Variants in UBA6 observed in about 807,000 individuals in gnomAD.
The protein encoded by UBA6 is ubiquitin like modifier activating enzyme 6.
A neutral mutation model predicts 148.3 loss-of-function variants in UBA6; 87 were observed. That is an observed-to-expected ratio of 0.59 (90% confidence interval 0.49 to 0.70). UBA6 has a LOEUF of 0.70. Ranked by LOEUF, UBA6 falls within the 30% of genes least tolerant of loss-of-function variation. The probability of loss-of-function intolerance (pLI) is 0.00; values close to 1 mark genes in which losing one functional copy is unlikely to be tolerated. For synonymous variants in UBA6, 376 were observed against 401.0 expected, an observed-to-expected ratio of 0.94 and a Z score of 0.75; for missense variants, 1,186 against 1,241.2, an observed-to-expected ratio of 0.96 and a Z score of 0.67.
chr4:67,673,712 C>T lies in UBA6; in HGVS notation c.531G>A (p.Gln177=). Residue 177 remains glutamine (Q), a synonymous_variant, in exon 7 of 33, where the codon CAG becomes CAA. Transcript: ENST00000322244. Reference sequence around the variant, plus strand: ...ATACAATTACCTTAATTGGAGGGCACTGAGAACGGCAAAAGTCATTGATCT... The same window carrying T: ...ATACAATTACCTTAATTGGAGGGCATTGAGAACGGCAAAAGTCATTGATCT... The part of the protein sequence containing the change: ...QKKINDFCRS[Q]CPPIKFISAD... 1 of 1,610,572 alleles carries T rather than the reference C, an allele frequency of 6.2e-7. No homozygotes were observed. Among genetic ancestry groups the T allele is most frequent in the Non-Finnish European group, 8.5e-7 (1 of 1,177,530 alleles).
chr4:67,637,347 G>A lies in UBA6; in HGVS notation c.1736+1596C>T, dbSNP rs540434526. Among the ~76,000 whole-genome samples, 589 of 147,830 alleles carry A rather than the reference G, an allele frequency of 4.0e-3. 3 individuals carry two copies. Among genetic ancestry groups the A allele is most frequent in the African/African-American group, 0.013 (536 of 40,090 alleles). On this transcript the variant is annotated intron_variant, in intron 19 of 32. Coordinates refer to ENST00000322244, the MANE Select transcript of UBA6 (RefSeq NM_018227.6). ...CAGCCCCCACCTGGCCAGCTGCCCC[G>A]TCCGGGAGGTGGGGGCGCCTCTGCC...
In UBA6 at chr4:67,625,015, G is replaced by A. The variant is rs200326580; in HGVS notation, c.2691C>T (p.Thr897=). ...AGKIIPAIAT[T]TATVSGLVAL... is the part of the protein sequence containing the mutation. ...TTACCAAGCCAGAAACTGTAGCAGTGGTTGTTGCTATAGCAGGTATAATTT... is the reference window on the plus strand; with the variant it reads ...TTACCAAGCCAGAAACTGTAGCAGTAGTTGTTGCTATAGCAGGTATAATTT... Residue 897 remains threonine (T), a synonymous_variant, in exon 29 of 33, where the codon ACC becomes ACT. Coordinates refer to ENST00000322244, the MANE Select transcript of UBA6 (RefSeq NM_018227.6). 22 of 1,608,602 alleles carry A rather than the reference G, an allele frequency of 1.4e-5. No homozygotes were observed. The highest frequency in any genetic ancestry group is 3.3e-4 in the Middle Eastern group (2 of 6,042).
At position 67,614,739 on chromosome 4, in the gene UBA6, T is replaced by C. The variant is rs969535793; in HGVS notation, c.*4258A>G. 1 of 152,162 alleles carries C rather than the reference T, an allele frequency of 6.6e-6. No homozygotes were observed. 9.4% of individuals were successfully genotyped at this position (152,162 alleles called of 1,614,324 possible). A position where few individuals can be genotyped will look rare whatever the true frequency, so the allele number is the denominator to read the frequency against. ...AGTACTTAACCATTAATAAATTGTT[T>C]TTATCAAAGAACATCATAAGGGAGG... On this transcript the variant is annotated 3_prime_UTR_variant, in exon 33 of 33. Transcript: ENST00000322244.
At position 67,663,298 on chromosome 4, in the gene UBA6, A is replaced by G. The variant is rs1729910136; in HGVS notation, c.961-83T>C. On this transcript the variant is annotated intron_variant, in intron 11 of 32. Coordinates refer to ENST00000322244, the MANE Select transcript of UBA6 (RefSeq NM_018227.6). ...CTGGGCTAAATACTTTTAAAACATTATTTAACCATCATAATAAACACATTA... is the reference window on the plus strand; with the variant it reads ...CTGGGCTAAATACTTTTAAAACATTGTTTAACCATCATAATAAACACATTA... 6 of 854,480 alleles carry G rather than the reference A, an allele frequency of 7.0e-6. No homozygotes were observed. In the South Asian group the frequency reaches 1.0e-4, roughly 14 times the overall value. 52.9% of individuals were successfully genotyped at this position (854,480 alleles called of 1,614,324 possible). A position where few individuals can be genotyped will look rare whatever the true frequency, so the allele number is the denominator to read the frequency against.
chr4:67,635,314 A>C (rs547819714), intron 20 of UBA6, 139 bp downstream of exon 20: 1 of 485,982 alleles, frequency 2.1e-6, no homozygotes, highest in Non-Finnish European at 3.6e-6. Context: ...ATATTTTAAA[A>C]AATGTACATG....
chr4:67,697,325 T>C (rs1243435364), intron 1 of UBA6, among the ~76,000 whole-genome samples: 1 of 152,228 alleles, frequency 6.6e-6, no homozygotes, highest in Non-Finnish European at 1.5e-5. Context: ...TATATTCTAA[T>C]GGATCTGTAT....
At chr4:67,640,022 A>T (rs757299945) in intron 18 of UBA6, among the ~76,000 whole-genome samples, 3 of 152,226 alleles carry the variant, frequency 2.0e-5, no homozygotes, top group Non-Finnish European at 4.4e-5. Context: ...CTATTTTTAA[A>T]TCATGATTGT....
intron 13 of UBA6, among the ~76,000 whole-genome samples, chr4:67,654,238 G>C (rs994637494): frequency 1.3e-5 from 2 of 152,166 alleles, no homozygotes; most frequent in African/African-American, 2.4e-5. Context: ...ATAATTGTCA[G>C]ATTCACCAAG....
chr4:67,653,506 T>C (rs1372444489), intron 13 of UBA6, among the ~76,000 whole-genome samples: 1 of 152,032 alleles, frequency 6.6e-6, no homozygotes, highest in Non-Finnish European at 1.5e-5. Flanking sequence ...AAAAAGGACA[T>C]CCACACCAAA....
At chr4:67,664,074 G>A (rs1048592498) in intron 10 of UBA6, 127 bp from the exon 11 acceptor site, 10 of 624,156 alleles carry the variant, frequency 1.6e-5, no homozygotes, top group Middle Eastern at 3.1e-4. Context: ...GTAGGGTTGG[G>A]CTGGTATGTT....
rs913110765 is a variant in UBA6, at chr4:67,646,669, A to C, written c.1316+55T>G. ...CATAAAACAAAGGTATGTTTAGACAAAACTTTTAAAATCTATTTGCCTGTT... is the reference window on the plus strand; with the variant it reads ...CATAAAACAAAGGTATGTTTAGACACAACTTTTAAAATCTATTTGCCTGTT... On this transcript the variant is annotated intron_variant, in intron 15 of 32. Coordinates refer to ENST00000322244, the MANE Select transcript of UBA6 (RefSeq NM_018227.6). The C allele has an allele frequency of 2.9e-6, 4 of 1,379,090 alleles. No homozygotes were observed. The African/African-American group carries it at 5.8e-5, about 20-fold the overall frequency. The allele number at this position is 1,379,090 out of a possible 1,614,324, so 85.4% of individuals were successfully genotyped here. A position where few individuals can be genotyped will look rare whatever the true frequency, so the allele number is the denominator to read the frequency against.
rs866319558 is a variant in UBA6, at chr4:67,682,161, G to A, written c.187C>T (p.His63Tyr). Residue 63 changes from histidine (H) to tyrosine (Y), a missense_variant, in exon 3 of 33, where the codon CAT (histidine) becomes TAT (tyrosine). Transcript: ENST00000322244. ...CCACCCATCCCACTTAAGAAAACAT[G>A]GGACTTGGCCATCTTCTGCATTGCT... Reference protein sequence around the residue: ...DTAMQKMAKSHVFLSGMGGLG... With the variant: ...DTAMQKMAKSYVFLSGMGGLG... 6.2e-7 allele frequency: 1 copy of A among 1,613,850 alleles called. No individual in the cohort carries two copies. Among genetic ancestry groups the A allele is most frequent in the Non-Finnish European group, 8.5e-7 (1 of 1,179,864 alleles).
chr4:67,634,952 A>G (rs747996971), intron 20 of UBA6, among the ~76,000 whole-genome samples: 3 of 152,138 alleles, frequency 2.0e-5, no homozygotes, highest in Non-Finnish European at 4.4e-5. Flanking sequence ...TATGTCCTCA[A>G]TGCTTGAGGT....
chr4:67,658,899 G>A (rs1433940699), intron 13 of UBA6, among the ~76,000 whole-genome samples: 7 of 152,082 alleles, frequency 4.6e-5, no homozygotes, highest in South Asian at 4.1e-4. Flanking sequence ...TTTGCATTAC[G>A]GAATGGTTTA....
Position 67,677,587 on chromosome 4 carries a change from T to C in UBA6, c.465+24A>G, listed in dbSNP as rs1032845074. 1.5e-5 allele frequency: 19 copies of C among 1,235,250 alleles called. No homozygotes were observed. The African/African-American group carries it at 1.7e-4, about 11-fold the overall frequency. 76.5% of individuals were successfully genotyped at this position (1,235,250 alleles called of 1,614,324 possible). The stretch of plus-strand genomic sequence containing the variant: ...TTTGCCCTGGAACCTGTCAATAACA[T>C]TTAATACAAAATGGAGTACTAACCT... On this transcript the variant is annotated intron_variant, in intron 6 of 32. Transcript: ENST00000322244.
chr4:67,657,971 C>A (rs13105554), intron 13 of UBA6, among the ~76,000 whole-genome samples: 34,908 of 151,992 alleles, frequency 0.23, 4,163 homozygotes, highest in Middle Eastern at 0.3. Flanking sequence ...TCATCAGAGA[C>A]ATGCAAATCA....
chr4:67,621,549 T>A (rs2109892591), intron 32 of UBA6, among the ~76,000 whole-genome samples: 1 of 152,210 alleles, frequency 6.6e-6, no homozygotes, highest in East Asian at 1.9e-4. Flanking sequence ...ACGCCTGTAA[T>A]CCCAGCACTT....
At position 67,616,060 on chromosome 4, in the gene UBA6, T is replaced by C. The variant is rs1371074550; in HGVS notation, c.*2937A>G. ...TGAATATATATGTGTTTTTGAAAAATATATATTTCTCAATAAAAAAACAAA... is the reference window on the plus strand; with the variant it reads ...TGAATATATATGTGTTTTTGAAAAACATATATTTCTCAATAAAAAAACAAA... On this transcript the variant is annotated 3_prime_UTR_variant, in exon 33 of 33. Coordinates refer to ENST00000322244, the MANE Select transcript of UBA6 (RefSeq NM_018227.6). 2 of 392,542 alleles carry C rather than the reference T, an allele frequency of 5.1e-6. No homozygotes were observed. Among genetic ancestry groups the C allele is most frequent in the Non-Finnish European group, 9.0e-6 (2 of 222,124 alleles). 24.3% of individuals were successfully genotyped at this position (392,542 alleles called of 1,614,324 possible). A position where few individuals can be genotyped will look rare whatever the true frequency, so the allele number is the denominator to read the frequency against.
chr4:67,681,362 G>A (rs1022913568), intron 4 of UBA6, among the ~76,000 whole-genome samples: 4 of 152,030 alleles, frequency 2.6e-5, no homozygotes, highest in African/African-American at 9.7e-5. Flanking sequence ...CCCAAGAGTT[G>A]GTAACTGATG....
Sources: gnomAD v4.1 joint callset for allele counts (sites outside exome capture counted in the v4.1 genomes callset) on GRCh38, gnomAD v4.1.1 for gene constraint, MANE v1.5 for transcripts, NCBI Gene and HGNC (gene_info 2026-07-23, HGNC 2026-07-21) for gene names.